The following AHRR variants were observed in gnomAD, a reference collection of about 807,000 sequenced individuals.
AHRR encodes ahR repressor.
A neutral mutation model predicts 44.0 loss-of-function variants in AHRR; 28 were observed. The observed-to-expected ratio is 0.64, with a 90% confidence interval of 0.47 to 0.87. The LOEUF is 0.87. AHRR is among the 40% of genes least tolerant of loss of function. AHRR has a pLI of 0.00. For synonymous variants in AHRR, 434 were observed against 407.0 expected, an observed-to-expected ratio of 1.07 and a Z score of -0.80; for missense variants, 990 against 953.9, an observed-to-expected ratio of 1.04 and a Z score of -0.50.
Position 411,688 on chromosome 5 carries a change from A to G in AHRR, c.352-1656A>G, listed in dbSNP as rs1735471959. On this transcript the variant is annotated intron_variant, in intron 4 of 10. Transcript: ENST00000684583. The surrounding 1 kb of genome is among the most constrained non-coding windows in gnomAD (Gnocchi z 4.2). ...TGTTTTCAAATTGGCAAAGATTTCA[A>G]AAAAAGAAAAAAGGAAAATAAAAGT... is the stretch of plus-strand genomic sequence containing the variant. Among the ~76,000 whole-genome samples, 2 of 152,342 alleles carry G rather than the reference A, an allele frequency of 1.3e-5. No homozygotes were observed. The highest frequency in any genetic ancestry group is 3.9e-4 in the East Asian group (2 of 5,188).
intron 3 of AHRR, among the ~76,000 whole-genome samples, chr5:363,482 T>G (rs563562516): frequency 6.6e-6 from 1 of 152,336 alleles, no homozygotes; most frequent in East Asian, 1.9e-4. Flanking sequence ...CCAGGAACCC[T>G]TCTGGGCAGG....
chr5:327,493 C>A (rs1057050222), intron 1 of AHRR, among the ~76,000 whole-genome samples: 8 of 152,214 alleles, frequency 5.3e-5, no homozygotes, highest in African/African-American at 1.9e-4. Context: ...ACTTTCTGTG[C>A]CTGGCTTGTT....
chr5:367,789 T>C, intron 3 of AHRR: 1 of 699,654 alleles, frequency 1.4e-6, no homozygotes. Context: ...GTCCCCCTCC[T>C]TCTCTGTTGT....
chr5:323,413 C>T (rs1049566591), intron 1 of AHRR, among the ~76,000 whole-genome samples: 3 of 152,228 alleles, frequency 2.0e-5, no homozygotes, highest in African/African-American at 7.2e-5. Flanking sequence ...GCCACCCCCT[C>T]GCATCTCTGC....
intron 5 of AHRR, among the ~76,000 whole-genome samples, chr5:415,176 A>G (rs1353898502): frequency 6.6e-6 from 1 of 152,240 alleles, no homozygotes; most frequent in Admixed American, 6.5e-5. Flanking sequence ...CGGGGTGCAC[A>G]CCGGCCCCAG....
At chr5:415,925 ACT>A (rs1408254704) in intron 5 of AHRR, among the ~76,000 whole-genome samples, 1 of 149,196 alleles carries the variant, frequency 6.7e-6, no homozygotes, top group African/African-American at 2.5e-5. Flanking sequence ...CTGCAAAAAA[ACT>A]CCTCTAGTCC....
chr5:353,383 G>C (rs936284728), intron 2 of AHRR, among the ~76,000 whole-genome samples: 2 of 152,168 alleles, frequency 1.3e-5, no homozygotes, highest in Middle Eastern at 3.2e-3. Flanking sequence ...CTGGGGCCAG[G>C]CGTCCTCCTC....
intron 7 of AHRR, among the ~76,000 whole-genome samples, chr5:424,332 G>GT (rs1386215245): frequency 3.4e-5 from 5 of 148,678 alleles, no homozygotes; most frequent in Admixed American, 6.7e-5. Flanking sequence ...GAGAGGGCTG[G>GT]GCACTGAGCT....
intron 7 of AHRR, among the ~76,000 whole-genome samples, chr5:426,063 C>A (rs1327794597): frequency 6.6e-6 from 1 of 152,258 alleles, no homozygotes; most frequent in Non-Finnish European, 1.5e-5. Flanking sequence ...AATTGGCAAA[C>A]ACTGCATATC....
In AHRR at chr5:434,288, G is replaced by T. The variant is rs576906676; in HGVS notation, c.1548G>T (p.Pro516=). The T allele has an allele frequency of 6.2e-7, 1 of 1,607,968 alleles. No individual in the cohort carries two copies. The highest frequency in any genetic ancestry group is 1.1e-5 in the South Asian group (1 of 90,126). Residue 516 remains proline, a synonymous_variant, in exon 11 of 11, where the codon CCG becomes CCT. Coordinates refer to ENST00000684583, the MANE Select transcript of AHRR (RefSeq NM_001377236.1). ...PMEDMKLQGV[P]MPPGDLCGPT... The stretch of plus-strand genomic sequence containing the variant: ...AGGACATGAAGCTGCAAGGTGTACC[G>T]ATGCCTCCGGGGGACCTGTGTGGTC...
chr5:393,320 G>A (rs1020814351), intron 4 of AHRR, among the ~76,000 whole-genome samples: 1 of 152,190 alleles, frequency 6.6e-6, no homozygotes, highest in African/African-American at 2.4e-5. Context: ...TGCACCTAAC[G>A]TTACGTGTCT....
chr5:378,106 C>T (rs1733819707), intron 4 of AHRR, among the ~76,000 whole-genome samples: 1 of 152,214 alleles, frequency 6.6e-6, no homozygotes, highest in Admixed American at 6.5e-5. Context: ...GGTGAGGGTT[C>T]CTCACTGATT....
rs1348262082 is a variant in AHRR at position 405,027 on chromosome 5, T to C, written c.352-8317T>C. Among the ~76,000 whole-genome samples the C allele has an allele frequency of 6.6e-6, 1 of 152,134 alleles. No homozygotes were observed. Among genetic ancestry groups the C allele is most frequent in the Non-Finnish European group, 1.5e-5 (1 of 68,026 alleles). On this transcript the variant is annotated intron_variant, in intron 4 of 10. Transcript: ENST00000684583. This position sits in a 1 kb window ranked among gnomAD's most constrained non-coding sequence, Gnocchi z 4.5. ...TTCTGTGGATCATCCCATGGGCACA[T>C]TGGATCCTTTATTCAGTGACATAAA...
intron 9 of AHRR, 29 bp from the exon 10 acceptor site, chr5:432,777 C>T (rs376359277): frequency 1.2e-5 from 19 of 1,611,782 alleles, no homozygotes; most frequent in South Asian, 4.4e-5. Flanking sequence ...CGCACCGTGA[C>T]GGCTTCCCCC....
At chr5:336,487 T>A (rs1742130689) in intron 1 of AHRR, among the ~76,000 whole-genome samples, 1 of 152,224 alleles carries the variant, frequency 6.6e-6, no homozygotes, top group Non-Finnish European at 1.5e-5. Context: ...ATTTTAAAAT[T>A]GGGTTGTCTT....
chr5:381,850 A>G (rs1302275047), intron 4 of AHRR, among the ~76,000 whole-genome samples: 2 of 151,832 alleles, frequency 1.3e-5, no homozygotes, highest in African/African-American at 4.8e-5. Flanking sequence ...GCCTCATATC[A>G]GATTAAGAAA....
intron 1 of AHRR, among the ~76,000 whole-genome samples, chr5:333,576 A>G (rs1742014340): frequency 6.6e-6 from 1 of 152,204 alleles, no homozygotes; most frequent in Non-Finnish European, 1.5e-5. Context: ...AGCCTGGGTG[A>G]CAGAGTGAGA....
chr5:337,657 A>G lies in AHRR; in HGVS notation c.-10-6236A>G, dbSNP rs1325757327. On this transcript the variant is annotated intron_variant, in intron 1 of 10. Coordinates refer to ENST00000684583, the MANE Select transcript of AHRR (RefSeq NM_001377236.1). The surrounding 1 kb of genome is among the most constrained non-coding windows in gnomAD (Gnocchi z 4.1). ...TTTAATGTTAGGAAGTCTAGATAGC[A>G]ACAGTGATGCAGCTATGGAGGGGAG... Among the ~76,000 whole-genome samples the G allele has an allele frequency of 1.3e-5, 2 of 152,164 alleles. No individual in the cohort carries two copies. Among genetic ancestry groups the G allele is most frequent in the Non-Finnish European group, 2.9e-5 (2 of 68,028 alleles).
At chr5:345,332 G>GT (rs1742606305) in intron 2 of AHRR, among the ~76,000 whole-genome samples, 1 of 39,190 alleles carries the variant, frequency 2.6e-5, no homozygotes. Context: ...GTGTGTGTGT[G>GT]GGGATGTGTG....
Sources: allele counts gnomAD v4.1 joint callset (sites outside exome capture counted in the v4.1 genomes callset), GRCh38; gene constraint gnomAD v4.1.1; non-coding constraint Gnocchi (gnomAD v3.1); transcripts MANE v1.5; gene names NCBI Gene and HGNC (gene_info 2026-07-23, HGNC 2026-07-21).